WDR27: variants seen among roughly 807,000 people sequenced by gnomAD.
WDR27 encodes the protein WD repeat-containing protein 27.
In WDR27, 100 loss-of-function variants were observed where a neutral mutation model predicts 114.4. The observed-to-expected ratio is 0.87, with a 90% CI of 0.74 to 1.03. The LOEUF (loss-of-function observed/expected upper bound fraction) is 1.03, where lower values mean the gene tolerates loss of function less well. WDR27 is among the 50% of genes least tolerant of loss of function. The pLI is 0.00. For missense variants in WDR27, 1,129 were observed against 1,092.9 expected, an observed-to-expected ratio of 1.03 and a Z score of -0.47; for synonymous variants, 449 against 423.1, an observed-to-expected ratio of 1.06 and a Z score of -0.75.
the WDR27 span, among the ~76,000 whole-genome samples, chr6:169,432,905 A>G: frequency 6.6e-6 from 1 of 152,170 alleles, no homozygotes; most frequent in East Asian, 1.9e-4. Context: ...TTGGAGGGCT[A>G]GAAGACAGGA....
intron 25 of WDR27, among the ~76,000 whole-genome samples, chr6:169,514,554 T>C (rs1208940525): frequency 6.8e-6 from 1 of 147,356 alleles, no homozygotes; most frequent in Non-Finnish European, 1.5e-5. Flanking sequence ...GAAAAATATA[T>C]ATATAAAATA....
chr6:169,486,429 C>A (rs971337313), intron 25 of WDR27, among the ~76,000 whole-genome samples: 4 of 152,176 alleles, frequency 2.6e-5, no homozygotes, highest in African/African-American at 9.6e-5. Flanking sequence ...GGTTACCCAG[C>A]CTTGCAGGCT....
At chr6:169,545,205 G>GAC (rs150702834) in intron 25 of WDR27, among the ~76,000 whole-genome samples, 2,489 of 152,230 alleles carry the variant, frequency 0.016, 64 homozygotes, top group African/African-American at 0.057. Flanking sequence ...AAGAGACAAA[G>GAC]ACAGAGCAAT....
chr6:169,533,018 C>G (rs192886190), intron 25 of WDR27, among the ~76,000 whole-genome samples: 1 of 152,012 alleles, frequency 6.6e-6, no homozygotes, highest in African/African-American at 2.4e-5. Context: ...GTAGAGGTCT[C>G]AAGAGATCAA....
At chr6:169,496,944 A>C (rs939636153) in intron 25 of WDR27, among the ~76,000 whole-genome samples, 1 of 152,138 alleles carries the variant, frequency 6.6e-6, no homozygotes, top group Non-Finnish European at 1.5e-5. Context: ...AATCCATCCT[A>C]AAATTCAAAT....
At chr6:169,453,317 G>C (rs1784230645), downstream of WDR27, among the ~76,000 whole-genome samples, 1 of 152,112 alleles carries the variant, frequency 6.6e-6, no homozygotes, top group Admixed American at 6.5e-5. Flanking sequence ...AAGACTCAGA[G>C]GAGATGTATT....
intron 16 of WDR27, among the ~76,000 whole-genome samples, chr6:169,644,456 G>C (rs1170072546): frequency 6.0e-5 from 9 of 150,202 alleles, no homozygotes; most frequent in Middle Eastern, 3.5e-3. Context: ...CTAGTTCACA[G>C]GAGTCACACT....
chr6:169,554,216 C>T (rs1196498530), intron 25 of WDR27, among the ~76,000 whole-genome samples: 2 of 152,274 alleles, frequency 1.3e-5, no homozygotes, highest in East Asian at 1.9e-4. Context: ...CAGTTCATGC[C>T]CAGCCCATGC....
intron 25 of WDR27, among the ~76,000 whole-genome samples, chr6:169,484,601 G>C (rs1434871318): frequency 6.6e-6 from 1 of 152,162 alleles, no homozygotes; most frequent in African/African-American, 2.4e-5. Context: ...ACTGCCTAAA[G>C]CAATTTACAA....
intron 25 of WDR27, among the ~76,000 whole-genome samples, chr6:169,458,786 CAAAA>C (rs373146234): frequency 1.9e-5 from 2 of 104,854 alleles, no homozygotes; most frequent in Non-Finnish European, 2.0e-5. Flanking sequence ...GACCCTGTCT[CAAAA>C]AAAAAAAAAA....
intron 8 of WDR27, chr6:169,663,710 T>C (rs4236175): frequency 0.48 from 79,609 of 165,918 alleles, 22,449 homozygotes; most frequent in East Asian, 0.97. Context: ...GTGGCATCTG[T>C]GATGCGCAGG....
chr6:169,567,157 G>C (rs1040868249), intron 25 of WDR27, among the ~76,000 whole-genome samples: 11 of 152,162 alleles, frequency 7.2e-5, no homozygotes, highest in African/African-American at 2.4e-4. Flanking sequence ...GTGACACCTG[G>C]GGTGATCGGT....
intron 21 of WDR27, among the ~76,000 whole-genome samples, chr6:169,620,382 A>G (rs1453817621): frequency 6.6e-6 from 1 of 152,214 alleles, no homozygotes; most frequent in Non-Finnish European, 1.5e-5. Context: ...TTGTGGACAA[A>G]GGACAGTCAG....
chr6:169,687,908 T>C (rs1783427353), intron 2 of WDR27, among the ~76,000 whole-genome samples: 1 of 152,174 alleles, frequency 6.6e-6, no homozygotes, highest in Non-Finnish European at 1.5e-5. Context: ...CAACTGCTTA[T>C]GTATCCTTTA....
intron 25 of WDR27, among the ~76,000 whole-genome samples, chr6:169,570,975 G>C (rs546599221): frequency 6.6e-6 from 1 of 152,182 alleles, no homozygotes; most frequent in African/African-American, 2.4e-5. Context: ...CTCCCTGCCC[G>C]GTATTCTCTG....
chr6:169,521,458 G>A (rs536484303), intron 25 of WDR27, among the ~76,000 whole-genome samples: 36 of 152,044 alleles, frequency 2.4e-4, no homozygotes, highest in African/African-American at 8.0e-4. Context: ...GCATTTCAAG[G>A]TATTAAACCC....
chr6:169,643,538 G>T (rs111503490), intron 17 of WDR27, among the ~76,000 whole-genome samples, 159 bp downstream of exon 17: 4,446 of 152,306 alleles, frequency 0.029, 157 homozygotes, highest in African/African-American at 0.086. Context: ...CTGTTTGGTT[G>T]AAGATCTCAG....
At chr6:169,481,909 T>A (rs1788198991) in intron 25 of WDR27, among the ~76,000 whole-genome samples, 1 of 152,228 alleles carries the variant, frequency 6.6e-6, no homozygotes, top group Non-Finnish European at 1.5e-5. Context: ...GCTTCATTCT[T>A]GAAGTCAGGC....
the WDR27 span, among the ~76,000 whole-genome samples, chr6:169,434,489 A>G: frequency 7.2e-5 from 11 of 152,308 alleles, no homozygotes; most frequent in African/African-American, 2.6e-4. Flanking sequence ...GTAGCCTTGT[A>G]GTATAGTTTG....
Sources: allele counts gnomAD v4.1 joint callset (sites outside exome capture counted in the v4.1 genomes callset), GRCh38; gene constraint gnomAD v4.1.1; transcripts MANE v1.5; gene names NCBI Gene and HGNC (gene_info 2026-07-23, HGNC 2026-07-21).